The following TENM1 variants were observed in gnomAD, a reference collection of about 807,000 sequenced individuals.
TENM1 encodes teneurin-1.
TENM1 carries 35 observed loss-of-function variants against 174.8 expected under a neutral mutation model. The ratio of observed to expected loss-of-function variants is 0.20; its 90% CI spans 0.15 to 0.27. The LOEUF is 0.27. TENM1 is among the 10% of genes least tolerant of loss of function. The pLI is 1.00. For synonymous variants in TENM1, 781 were observed against 798.7 expected (o/e 0.98, Z 0.37); for missense variants, 1,633 against 2,130.1 (o/e 0.77, Z 4.59).
the TENM1 span, among the ~76,000 whole-genome samples, chrX:125,006,816 A>G: frequency 0.02 from 2,205 of 111,463 alleles, 16 homozygotes; most frequent in East Asian, 0.066. Flanking sequence ...GGAAGTAAAA[A>G]CAGCAACAAT....
At chrX:125,099,982 T>C in the TENM1 span, among the ~76,000 whole-genome samples, 1 of 111,683 alleles carries the variant, frequency 9.0e-6, no homozygotes. Flanking sequence ...ACTGCCTTGG[T>C]AATTACTTCT....
intron 11 of TENM1, among the ~76,000 whole-genome samples, chrX:124,585,770 C>A (rs1157381645): frequency 1.8e-5 from 2 of 111,354 alleles, no homozygotes; most frequent in Non-Finnish European, 3.8e-5. Context: ...AAAGGATCAA[C>A]AAAACTGATA....
intron 1 of TENM1, among the ~76,000 whole-genome samples, chrX:124,908,902 A>G (rs2057791857): frequency 1.8e-5 from 2 of 108,308 alleles, no homozygotes; most frequent in African/African-American, 6.8e-5. Context: ...CTTGTCTCCC[A>G]GGCTGGAGTG....
chrX:124,674,303 CAAAAAAAAAAAA>C (rs745969451), intron 5 of TENM1, among the ~76,000 whole-genome samples: 1 of 16,624 alleles, frequency 6.0e-5, no homozygotes, highest in African/African-American at 2.1e-4. Flanking sequence ...TATCAAAAGG[CAAAAAAAAAAAA>C]AAAAAAAAAA....
intron 20 of TENM1, among the ~76,000 whole-genome samples, chrX:124,492,373 C>T (rs1240840816): frequency 9.0e-6 from 1 of 111,396 alleles, no homozygotes; most frequent in Non-Finnish European, 1.9e-5. Context: ...ATAGCACAGC[C>T]TTATTAAATC....
chrX:125,138,016 A>G, the TENM1 span, among the ~76,000 whole-genome samples: 97 of 111,307 alleles, frequency 8.7e-4, 1 homozygote, highest in Non-Finnish European at 1.3e-3. Context: ...ATAGTATCCT[A>G]TTTGTATCCC....
chrX:124,397,787 G>A (rs1474632546), intron 27 of TENM1, among the ~76,000 whole-genome samples: 1 of 108,470 alleles, frequency 9.2e-6, no homozygotes, highest in Admixed American at 9.7e-5. Context: ...TAGTAGAGAC[G>A]GGGTTTCACC....
chrX:124,887,022 T>C (rs1362425340), intron 3 of TENM1, among the ~76,000 whole-genome samples: 8 of 110,967 alleles, frequency 7.2e-5, no homozygotes, highest in Admixed American at 1.9e-4. Context: ...ATAGCTTTAG[T>C]AGGTAAATAA....
rs1569533469 is a variant in TENM1, at chrX:124,471,353, ATAATATATAGTACTATATAT to A, written c.3949+10359_3949+10378del. On this transcript the variant is annotated intron_variant, in intron 22 of 31. Coordinates refer to ENST00000422452, the Ensembl canonical transcript of TENM1. ...TATAGTACTATATATAATATATATT[ATAATATATAGTACTATATAT>A]TATAATATATAGTACTATATATAAT... is the stretch of plus-strand genomic sequence containing the variant. Among the ~76,000 whole-genome samples, 90 of 40,769 alleles carry A rather than the reference ATAATATATAGTACTATATAT, an allele frequency of 2.2e-3. 8 individuals carry two copies. The highest frequency in any genetic ancestry group is 8.7e-3 in the African/African-American group (83 of 9,522). 35.4% of individuals were successfully genotyped at this position (40,769 alleles called of 115,157 possible).
the TENM1 span, among the ~76,000 whole-genome samples, chrX:125,160,544 CAA>C: frequency 1.1e-3 from 33 of 28,994 alleles, no homozygotes; most frequent in East Asian, 3.6e-3. Flanking sequence ...GACCCCGTCT[CAA>C]AAAAAAAAAA....
At chrX:124,859,382 A>G (rs1480504802) in intron 3 of TENM1, among the ~76,000 whole-genome samples, 1 of 108,999 alleles carries the variant, frequency 9.2e-6, no homozygotes, top group African/African-American at 3.4e-5. Context: ...ATCTCTACTA[A>G]AAACTACAAA....
chrX:124,961,100 A>G (rs1303987953), intron 1 of TENM1, among the ~76,000 whole-genome samples: 1 of 112,200 alleles, frequency 8.9e-6, no homozygotes, highest in Non-Finnish European at 1.9e-5. Context: ...TTTAAAATGT[A>G]AGATTCCAGT....
the TENM1 span, among the ~76,000 whole-genome samples, chrX:125,199,748 G>T: frequency 9.0e-6 from 1 of 110,934 alleles, no homozygotes; most frequent in African/African-American, 3.3e-5. Context: ...AAAATATTAG[G>T]GATCCATGTC....
intron 8 of TENM1, among the ~76,000 whole-genome samples, chrX:124,648,522 A>C (rs780608196): frequency 2.0e-4 from 22 of 112,588 alleles, no homozygotes; most frequent in Admixed American, 6.6e-4. Flanking sequence ...TTCAGCAAAG[A>C]GCCAACTATT....
At chrX:124,557,300 A>G (rs891462200) in intron 14 of TENM1, among the ~76,000 whole-genome samples, 1 of 109,763 alleles carries the variant, frequency 9.1e-6, no homozygotes, top group African/African-American at 3.3e-5. Context: ...GTAGATTTTG[A>G]TGTCTGCAAA....
chrX:124,383,058 C>T (rs761587422), intron 30 of TENM1, among the ~76,000 whole-genome samples: 8 of 110,090 alleles, frequency 7.3e-5, no homozygotes, highest in Non-Finnish European at 1.1e-4. Context: ...TGGGTTCAAG[C>T]GATTCTCCTG....
chrX:125,172,666 T>C, the TENM1 span, among the ~76,000 whole-genome samples: 7 of 92,097 alleles, frequency 7.6e-5, no homozygotes, highest in Non-Finnish European at 1.5e-4. Flanking sequence ...GAGGGAGGCG[T>C]GAAACTAGAA....
chrX:124,829,692 T>C (rs1300606934), intron 3 of TENM1, among the ~76,000 whole-genome samples: 2 of 112,030 alleles, frequency 1.8e-5, no homozygotes, highest in African/African-American at 6.5e-5. Flanking sequence ...CAAAAGGTAG[T>C]GGGTGAGAGA....
intron 1 of TENM1, among the ~76,000 whole-genome samples, chrX:124,938,535 C>G (rs2147742772): frequency 8.9e-6 from 1 of 112,333 alleles, no homozygotes; most frequent in East Asian, 2.8e-4. Flanking sequence ...TTGCCTCTAG[C>G]AAATCCATCT....
Sources: allele counts gnomAD v4.1 joint callset (sites outside exome capture counted in the v4.1 genomes callset), GRCh38; gene constraint gnomAD v4.1.1; transcripts MANE v1.5; gene names NCBI Gene and HGNC (gene_info 2026-07-23, HGNC 2026-07-21).